INSL6: variants seen among roughly 807,000 people sequenced by gnomAD.
INSL6 encodes insulin-like peptide INSL6.
Under a neutral mutation model 9.4 loss-of-function variants are expected in INSL6, and 16 were observed. The observed-to-expected ratio is 1.70, with a 90% CI of 1.15 to 2.59. The LOEUF is 2.59. INSL6 is among the 30% of genes most tolerant of loss of function. INSL6 has a pLI of 0.00. For missense variants in INSL6, 391 were observed against 257.3 expected, an observed-to-expected ratio of 1.52 and a Z score of -3.56; for synonymous variants, 154 against 96.9, an observed-to-expected ratio of 1.59 and a Z score of -3.46.
chr9:5,025,949 A>G, the INSL6 span, among the ~76,000 whole-genome samples: 1 of 151,734 alleles, frequency 6.6e-6, no homozygotes, highest in Non-Finnish European at 1.5e-5. Context: ...TTGTTCTAGC[A>G]CTCTTTGTCT....
At chr9:5,113,537 C>G in the INSL6 span, 2 of 153,630 alleles carry the variant, frequency 1.3e-5, no homozygotes, top group African/African-American at 4.9e-5. Context: ...CTCAGCTGAT[C>G]TTGACTGTCC....
chr9:5,039,198 G>C, the INSL6 span, among the ~76,000 whole-genome samples: 36 of 152,188 alleles, frequency 2.4e-4, no homozygotes, highest in African/African-American at 8.7e-4. Flanking sequence ...ATTTATATTG[G>C]AAAATAAGAA....
intron 1 of INSL6, among the ~76,000 whole-genome samples, chr9:5,185,074 A>G (rs1474162454): frequency 3.9e-5 from 6 of 152,198 alleles, no homozygotes; most frequent in Admixed American, 1.3e-4. Flanking sequence ...CCAGAAAAGA[A>G]CAACATTCTT....
the INSL6 span, chr9:5,021,877 C>T: frequency 2.0e-4 from 137 of 697,312 alleles, no homozygotes; most frequent in Middle Eastern, 2.0e-3. Flanking sequence ...AAGCTATCTG[C>T]CCGCCTCGGC....
chr9:5,046,216 T>C, the INSL6 span, among the ~76,000 whole-genome samples: 4 of 152,222 alleles, frequency 2.6e-5, no homozygotes, highest in Non-Finnish European at 5.9e-5. Context: ...GTTTATCTTC[T>C]TTGCAGAGAT....
At chr9:5,095,546 T>G in the INSL6 span, among the ~76,000 whole-genome samples, 2 of 152,148 alleles carry the variant, frequency 1.3e-5, no homozygotes, top group Non-Finnish European at 2.9e-5. Context: ...AAGCTAGAAA[T>G]AGCCCCCTTT....
At chr9:5,064,166 A>T in the INSL6 span, among the ~76,000 whole-genome samples, 1 of 151,932 alleles carries the variant, frequency 6.6e-6, no homozygotes, top group Non-Finnish European at 1.5e-5. Flanking sequence ...GGCGGGGGCC[A>T]CAAAAAAATC....
At chr9:5,066,604 T>G in the INSL6 span, 2 of 821,198 alleles carry the variant, frequency 2.4e-6, no homozygotes, top group Non-Finnish European at 4.2e-6. Flanking sequence ...GACTTTTGAT[T>G]GTTTTAGATG....
the INSL6 span, among the ~76,000 whole-genome samples, chr9:5,010,358 C>T: frequency 6.9e-6 from 1 of 145,748 alleles, no homozygotes; most frequent in Non-Finnish European, 1.5e-5. Context: ...GAGTCTCGCT[C>T]TGTCGCCCAG....
rs1824789419 is a variant in INSL6, at chr9:5,155,087, A to T, written c.376+9092T>A. Among the ~76,000 whole-genome samples the T allele has an allele frequency of 2.0e-5, 3 of 151,728 alleles. No individual in the cohort carries two copies. In the South Asian group the frequency reaches 6.3e-4, roughly 32 times the overall value. On this transcript the variant is annotated intron_variant, in intron 2 of 3. Coordinates refer to the INSL6 transcript ENST00000649639. ...CTTGGAACCAAGCCAAATGTCCAAC[A>T]ATGATAGACTGGATTAAGAAAATGT...
the INSL6 span, among the ~76,000 whole-genome samples, chr9:5,076,243 C>T: frequency 1.3e-5 from 2 of 152,156 alleles, no homozygotes; most frequent in African/African-American, 4.8e-5. Context: ...CAAGCAGTTG[C>T]AGGGTTTGAG....
chr9:5,168,333 A>G (rs1478903960), intron 1 of INSL6, among the ~76,000 whole-genome samples: 1 of 152,234 alleles, frequency 6.6e-6, no homozygotes, highest in Non-Finnish European at 1.5e-5. Context: ...CCATAATAAA[A>G]CATTACAGGA....
the INSL6 span, among the ~76,000 whole-genome samples, chr9:5,024,005 C>G: frequency 8.6e-5 from 13 of 151,970 alleles, no homozygotes; most frequent in Non-Finnish European, 1.5e-4. Context: ...ACCTGTAATC[C>G]CAGCACTTTG....
chr9:5,132,833 A>G (rs1824317088), intron 3 of INSL6: 1 of 152,216 alleles, frequency 6.6e-6, no homozygotes, highest in Non-Finnish European at 1.5e-5. Flanking sequence ...TGGTGTATCA[A>G]TTTAAAATTC....
At chr9:5,157,317 T>C (rs998848448) in intron 2 of INSL6, among the ~76,000 whole-genome samples, 5 of 152,012 alleles carry the variant, frequency 3.3e-5, no homozygotes, top group African/African-American at 9.7e-5. Context: ...AACAAAATGG[T>C]TGGAGAACTT....
chr9:4,996,252 C>G, the INSL6 span, among the ~76,000 whole-genome samples: 395 of 152,174 alleles, frequency 2.6e-3, no homozygotes, highest in African/African-American at 9.1e-3. Flanking sequence ...AGTTCACCAC[C>G]AGCCTGACTA....
the INSL6 span, among the ~76,000 whole-genome samples, chr9:5,079,649 A>G: frequency 2.9e-3 from 441 of 152,242 alleles, no homozygotes; most frequent in African/African-American, 0.01. Context: ...ATATAAAAAA[A>G]AAAGATTTGG....
the INSL6 span, among the ~76,000 whole-genome samples, chr9:5,045,646 C>T: frequency 3.9e-5 from 6 of 152,174 alleles, no homozygotes; most frequent in Non-Finnish European, 7.3e-5. Context: ...CTATGTACCT[C>T]ATACAAATGG....
the INSL6 span, among the ~76,000 whole-genome samples, chr9:5,065,754 G>A: frequency 0.023 from 3,457 of 152,222 alleles, 150 homozygotes; most frequent in African/African-American, 0.08. Context: ...TAGCTAGGAT[G>A]TGGTTTATGT....
Sources: allele counts gnomAD v4.1 joint callset (sites outside exome capture counted in the v4.1 genomes callset), GRCh38; gene constraint gnomAD v4.1.1; transcripts MANE v1.5; gene names NCBI Gene and HGNC (gene_info 2026-07-23, HGNC 2026-07-21).